Variants in TGFBRAP1 observed in about 807,000 individuals in gnomAD.
TGFBRAP1 encodes transforming growth factor beta receptor associated protein 1, also known as transforming growth factor-beta receptor-associated protein 1.
Under a neutral mutation model 83.2 loss-of-function variants are expected in TGFBRAP1, and 20 were observed. That is an observed-to-expected ratio of 0.24 (90% CI 0.17 to 0.35). The LOEUF (loss-of-function observed/expected upper bound fraction) is 0.35, where lower values mean the gene tolerates loss of function less well. Ranked by LOEUF, TGFBRAP1 falls within the 10% of genes least tolerant of loss-of-function variation. The pLI is 1.00. For missense variants in TGFBRAP1, 950 were observed against 1,099.4 expected (o/e 0.86, Z 1.92); for synonymous variants, 415 against 459.8 (o/e 0.90, Z 1.25).
chr2:105,278,936 G>A (rs1677438945), intron 6 of TGFBRAP1, among the ~76,000 whole-genome samples: 1 of 151,840 alleles, frequency 6.6e-6, no homozygotes, highest in South Asian at 2.1e-4. Flanking sequence ...CTGCTGAAAA[G>A]GCCAATACCC....
Position 105,275,697 on chromosome 2 carries a change from C to A in TGFBRAP1, c.1528G>T (p.Val510Leu). Residue 510 changes from valine (V) to leucine (L), a missense_variant, in exon 8 of 12, where the codon GTG becomes TTG. By Grantham distance (32) the Val-to-Leu change is conservative (BLOSUM62 1). Transcript: ENST00000393359. ...NQDAAAVQLWVNIVNGDVQDS... is the reference protein window; with the variant it reads ...NQDAAAVQLWLNIVNGDVQDS... ...TGGACATCGCCATTCACAATGTTCACCCACAACTGGAAAGGAATCAAAAAG... is the reference window on the plus strand; with the variant it reads ...TGGACATCGCCATTCACAATGTTCAACCACAACTGGAAAGGAATCAAAAAG... 1 of 1,601,968 alleles carries A rather than the reference C, an allele frequency of 6.2e-7. No individual in the cohort carries two copies. Among genetic ancestry groups the A allele is most frequent in the South Asian group, 1.1e-5 (1 of 87,246 alleles).
At chr2:105,254,244 G>A in the TGFBRAP1 span, among the ~76,000 whole-genome samples, 10 of 152,138 alleles carry the variant, frequency 6.6e-5, no homozygotes, top group Non-Finnish European at 4.4e-5. Context: ...CTCACCAGCT[G>A]AGCTGGAGAA....
intron 8 of TGFBRAP1, among the ~76,000 whole-genome samples, chr2:105,275,085 A>G (rs1323897422): frequency 6.6e-6 from 1 of 152,040 alleles, no homozygotes; most frequent in Non-Finnish European, 1.5e-5. Context: ...TCCCTCCTCC[A>G]GGCCCACAAG....
At chr2:105,250,411 G>A in the TGFBRAP1 span, among the ~76,000 whole-genome samples, 1 of 152,092 alleles carries the variant, frequency 6.6e-6, no homozygotes, top group Non-Finnish European at 1.5e-5. Context: ...AGCTATTCCT[G>A]TCTAGGAAAA....
intron 8 of TGFBRAP1, 94 bp downstream of exon 8, chr2:105,275,466 T>C: frequency 1.3e-6 from 2 of 1,518,638 alleles, no homozygotes; most frequent in Non-Finnish European, 1.8e-6. Context: ...GGTTGAAATG[T>C]AGCTTTCTTT....
chr2:105,280,789 AG>A lies in TGFBRAP1; in HGVS notation c.1122-67del, dbSNP rs1677512225. ...AAGAGTACACATAGGCACACAAAAC[AG>A]CACTGGAGGGGAGCGCACGGTGGCA... On this transcript the variant is annotated intron_variant, in intron 5 of 11. Transcript: ENST00000393359. 25 of 1,509,498 alleles carry A rather than the reference AG, an allele frequency of 1.7e-5. No homozygotes were observed. In the South Asian group the frequency reaches 3.0e-4, roughly 18 times the overall value. 93.5% of individuals were successfully genotyped at this position (1,509,498 alleles called of 1,614,324 possible).
rs566964946 is a variant in TGFBRAP1, at chr2:105,303,888, T to C, written c.688+3726A>G. On this transcript the variant is annotated intron_variant, in intron 2 of 11. Coordinates refer to ENST00000393359, the MANE Select transcript of TGFBRAP1 (RefSeq NM_004257.6). ...AATCCAGATTGTGGGACACCATACA[T>C]GAAACCATCCAATTTCTTCAGCAAA... 2.6e-5 allele frequency among the ~76,000 whole-genome samples: 4 copies of C among 152,200 alleles called. No individual in the cohort carries two copies. The South Asian group carries it at 8.3e-4, about 32-fold the overall frequency.
At position 105,273,948 on chromosome 2, in the gene TGFBRAP1, C is replaced by T. The variant is rs572191515; in HGVS notation, c.1666-258G>A. Among the ~76,000 whole-genome samples, 8 of 152,292 alleles carry T rather than the reference C, an allele frequency of 5.3e-5. No homozygotes were observed. In the South Asian group the frequency reaches 1.5e-3, roughly 28 times the overall value. ...AAAAAATCAAGATAGAAAAGCCAGC[C>T]TATACCCTGAAGTCCTCCTCACACA... On this transcript the variant is annotated intron_variant, in intron 8 of 11. Coordinates refer to ENST00000393359, the MANE Select transcript of TGFBRAP1 (RefSeq NM_004257.6).
At chr2:105,299,263 A>G (rs1165495220) in intron 2 of TGFBRAP1, among the ~76,000 whole-genome samples, 5 of 152,242 alleles carry the variant, frequency 3.3e-5, no homozygotes, top group African/African-American at 1.2e-4. Context: ...CCTGGGCGAC[A>G]GAGTGAGAAC....
Position 105,275,660 on chromosome 2 carries a change from C to T in TGFBRAP1, c.1565G>A (p.Arg522His), listed in dbSNP as rs753075026. The T allele has an allele frequency of 1.9e-6, 3 of 1,613,954 alleles. No individual in the cohort carries two copies. Among genetic ancestry groups the T allele is most frequent in the East Asian group, 2.2e-5 (1 of 44,872 alleles). ...CACGATGTATTCATACAGGTCTGAG[C>T]GTGTGGAGTCCTGGACATCGCCATT... ...IVNGDVQDST[R>H]SDLYEYIVDF... The change falls in exon 8 of 12, where the codon CGC becomes CAC. Residue 522 changes from arginine to histidine, a missense_variant. Physicochemically the swap from Arg to His is conservative, Grantham distance 29 (BLOSUM62 0). Coordinates refer to ENST00000393359, the MANE Select transcript of TGFBRAP1 (RefSeq NM_004257.6).
At chr2:105,280,290 G>T in intron 6 of TGFBRAP1, 92 bp downstream of exon 6, 3 of 1,355,562 alleles carry the variant, frequency 2.2e-6, no homozygotes, top group African/African-American at 1.4e-5. Context: ...CATCACACTG[G>T]CTAAGTCACT....
At chr2:105,311,760 T>G (rs1414738511) in intron 1 of TGFBRAP1, among the ~76,000 whole-genome samples, 1 of 151,794 alleles carries the variant, frequency 6.6e-6, no homozygotes, top group East Asian at 1.9e-4. Flanking sequence ...CAAAAAAAAG[T>G]TAGCCAGGCA....
chr2:105,294,015 G>C (rs1463972818), intron 4 of TGFBRAP1, among the ~76,000 whole-genome samples: 1 of 152,116 alleles, frequency 6.6e-6, no homozygotes, highest in Non-Finnish European at 1.5e-5. Context: ...ATTTTTTCGA[G>C]TAGAGAAGTA....
intron 8 of TGFBRAP1, among the ~76,000 whole-genome samples, chr2:105,275,135 G>T (rs754714938): frequency 6.6e-6 from 1 of 152,236 alleles, no homozygotes; most frequent in Non-Finnish European, 1.5e-5. Flanking sequence ...TGAGGGCCCA[G>T]TGTGGCCCAG....
chr2:105,268,397 G>A (rs1261127660), intron 11 of TGFBRAP1, among the ~76,000 whole-genome samples: 3 of 152,146 alleles, frequency 2.0e-5, no homozygotes, highest in Non-Finnish European at 2.9e-5. Flanking sequence ...AAGAGAAGGT[G>A]ATTACTCTAC....
chr2:105,285,438 GC>G (rs1368497858), intron 4 of TGFBRAP1, among the ~76,000 whole-genome samples: 1 of 152,184 alleles, frequency 6.6e-6, no homozygotes, highest in Non-Finnish European at 1.5e-5. Context: ...GCCCAGAGAT[GC>G]TACGTTTTTA....
intron 2 of TGFBRAP1, 102 bp from the exon 3 acceptor site, chr2:105,298,807 T>C (rs1678181241): frequency 9.0e-7 from 1 of 1,106,268 alleles, no homozygotes; most frequent in Non-Finnish European, 1.2e-6. Flanking sequence ...CACCAGCAAT[T>C]TTCCTGTACA....
chr2:105,254,152 A>C, the TGFBRAP1 span, among the ~76,000 whole-genome samples: 3 of 152,138 alleles, frequency 2.0e-5, no homozygotes, highest in Non-Finnish European at 2.9e-5. Flanking sequence ...CATTTTCCTA[A>C]AATAAACTTC....
chr2:105,253,202 G>A, the TGFBRAP1 span, among the ~76,000 whole-genome samples: 1 of 152,080 alleles, frequency 6.6e-6, no homozygotes, highest in Non-Finnish European at 1.5e-5. Flanking sequence ...GTGCGATCTC[G>A]GCTCACTGCA....
Sources: allele counts gnomAD v4.1 joint callset (sites outside exome capture counted in the v4.1 genomes callset), GRCh38; gene constraint gnomAD v4.1.1; transcripts MANE v1.5; gene names NCBI Gene and HGNC (gene_info 2026-07-23, HGNC 2026-07-21).